BEND2: variants seen among roughly 807,000 people sequenced by gnomAD.
BEND2 encodes BEN domain-containing protein 2.
BEND2 carries 19 observed loss-of-function variants against 43.8 expected under a neutral mutation model. The ratio of observed to expected loss-of-function variants is 0.43; its 90% CI spans 0.30 to 0.64. BEND2 has a LOEUF of 0.64. BEND2 is among the 30% of genes least tolerant of loss of function. The pLI is 0.11. For synonymous variants in BEND2, 226 were observed against 210.1 expected, an observed-to-expected ratio of 1.08 and a Z score of -0.66; for missense variants, 544 against 574.0, an observed-to-expected ratio of 0.95 and a Z score of 0.53.
In BEND2 at chrX:18,174,017, T is replaced by TA. The variant is rs771943252; in HGVS notation, c.1981+12dup. 5.2e-5 allele frequency: 61 copies of TA among 1,184,355 alleles called. No homozygotes were observed. In the Middle Eastern group the frequency reaches 9.4e-4, roughly 18 times the overall value. On this transcript the variant is annotated intron_variant, in intron 12 of 13. Transcript: ENST00000380033. Reference sequence around the variant, plus strand: ...GAGAACTTATTTAAATATAAGTTTTTAAAAAAACTCACTCCATGCTTCACC... The same window carrying TA: ...GAGAACTTATTTAAATATAAGTTTTTAAAAAAAACTCACTCCATGCTTCACC...
chrX:18,174,168 C>A lies in BEND2; in HGVS notation c.1843G>T (p.Gly615Cys). ...NDQRGRDGGE[G>C]CSWMFQPMNN... ...ATTGGCTGAAACATCCAAGAACAGC[C>A]TTCACCACCATCTCTGCCCCTTTGG... The change falls in exon 12 of 14, where the codon GGC becomes TGC. Residue 615 changes from glycine to cysteine, a missense_variant. Coordinates refer to ENST00000380033, the MANE Select transcript of BEND2 (RefSeq NM_153346.5). 1 of 1,211,760 alleles carries A rather than the reference C, an allele frequency of 8.3e-7. No individual in the cohort carries two copies. The highest frequency in any genetic ancestry group is 1.1e-6 in the Non-Finnish European group (1 of 895,341).
chrX:18,205,753 G>A (rs1349509290), intron 4 of BEND2, among the ~76,000 whole-genome samples: 1 of 110,792 alleles, frequency 9.0e-6, no homozygotes, highest in African/African-American at 3.3e-5. Context: ...CCACAAACTG[G>A]CAGTATCAAC....
At chrX:18,179,147 C>A (rs1258214560) in intron 9 of BEND2, among the ~76,000 whole-genome samples, 1 of 106,270 alleles carries the variant, frequency 9.4e-6, no homozygotes, top group Non-Finnish European at 1.9e-5. Context: ...TCAGAGTGCC[C>A]ATTTCAGTAC....
Position 18,195,338 on chromosome X carries a change from G to C in BEND2, c.1138C>G (p.Pro380Ala), listed in dbSNP as rs1449758969. 4 of 1,206,423 alleles carry C rather than the reference G, an allele frequency of 3.3e-6. No individual in the cohort carries two copies. The highest frequency in any genetic ancestry group is 4.5e-6 in the Non-Finnish European group (4 of 893,238). Residue 380 changes from proline to alanine, a missense_variant, in exon 7 of 14, where the codon CCA becomes GCA. By Grantham distance (27) the Pro-to-Ala change is conservative. This residue lies in a region of BEND2 where 501 missense variants were observed against 501.6 expected (regional missense o/e 1.00). Coordinates refer to ENST00000380033, the MANE Select transcript of BEND2 (RefSeq NM_153346.5). ...YPALSGNTSA[P>A]YPASSYLPIT... ...GGAAGATATGAAGAGGCTGGATATG[G>C]GGCACTCGTATTTCCCGATAAAGCT...
intron 2 of BEND2, among the ~76,000 whole-genome samples, chrX:18,214,201 T>C (rs1226215013): frequency 1.8e-5 from 2 of 111,413 alleles, no homozygotes; most frequent in Non-Finnish European, 3.8e-5. Flanking sequence ...GGAGGATCAA[T>C]TGAGCCCCGG....
intron 6 of BEND2, among the ~76,000 whole-genome samples, chrX:18,198,585 C>T (rs1001589295): frequency 2.7e-5 from 3 of 111,459 alleles, no homozygotes; most frequent in African/African-American, 9.8e-5. Context: ...GAGAAATAAA[C>T]ACTTTTACAC....
intron 1 of BEND2, among the ~76,000 whole-genome samples, chrX:18,218,420 T>C (rs1925739652): frequency 8.9e-6 from 1 of 112,671 alleles, no homozygotes; most frequent in African/African-American, 3.2e-5. Flanking sequence ...AGCTTTTGTA[T>C]ATCAACAGAT....
chrX:18,219,802 A>G (rs1427081546), intron 1 of BEND2, among the ~76,000 whole-genome samples: 1 of 111,781 alleles, frequency 8.9e-6, no homozygotes, highest in Non-Finnish European at 1.9e-5. Context: ...GCTCCTCAGG[A>G]GGCTGAGGTG....
At chrX:18,211,640 G>A (rs1602053775) in intron 4 of BEND2, among the ~76,000 whole-genome samples, 1 of 111,046 alleles carries the variant, frequency 9.0e-6, no homozygotes, top group Non-Finnish European at 1.9e-5. Flanking sequence ...AAAATTAGCC[G>A]AATGTGGTGG....
At chrX:18,176,296 C>G (rs1364476261) in intron 10 of BEND2, among the ~76,000 whole-genome samples, 2 of 102,031 alleles carry the variant, frequency 2.0e-5, no homozygotes, top group Non-Finnish European at 3.9e-5. Context: ...GGATGCTTTG[C>G]TGAATTATTT....
Position 18,165,769 on chromosome X carries a change from T to C in BEND2, c.2186-546A>G, listed in dbSNP as rs144746848. ...AGTAACATAATTCAAGGAGCACTCT[T>C]AGAGAAAGTAAGAAGACAGACAAGG... is the stretch of plus-strand genomic sequence containing the variant. On this transcript the variant is annotated intron_variant, in intron 13 of 13. Coordinates refer to ENST00000380033, the MANE Select transcript of BEND2 (RefSeq NM_153346.5). Among the ~76,000 whole-genome samples the C allele has an allele frequency of 6.3e-5, 7 of 111,487 alleles. No homozygotes were observed. In the East Asian group the frequency reaches 2.0e-3, roughly 31 times the overall value.
rs774699703 is a variant in BEND2 at position 18,220,764 on chromosome X, G to T, written c.-14C>A. The T allele has an allele frequency of 8.3e-7, 1 of 1,206,355 alleles. No homozygotes were observed. Among genetic ancestry groups the T allele is most frequent in the Non-Finnish European group, 1.1e-6 (1 of 892,340 alleles). On this transcript the variant is annotated 5_prime_UTR_variant, in exon 1 of 14. Coordinates refer to ENST00000380033, the MANE Select transcript of BEND2 (RefSeq NM_153346.5). ...CCTCTCTGACATCGTGAGATGGCGGGGTCTGGCTCTGAGGCCCGAGACCTG... is the reference window on the plus strand; with the variant it reads ...CCTCTCTGACATCGTGAGATGGCGGTGTCTGGCTCTGAGGCCCGAGACCTG...
chrX:18,212,749 C>G, intron 3 of BEND2, 69 bp from the exon 4 acceptor site: 1 of 677,826 alleles, frequency 1.5e-6, no homozygotes, highest in Non-Finnish European at 2.2e-6. Flanking sequence ...CGGATATGCT[C>G]TCAGAATGCT....
In BEND2 at chrX:18,195,346, G is replaced by C. The variant is rs28496595; in HGVS notation, c.1130C>G (p.Thr377Arg). 2.5e-6 allele frequency: 3 copies of C among 1,208,152 alleles called. No homozygotes were observed. The highest frequency in any genetic ancestry group is 3.5e-5 in the South Asian group (2 of 56,632). Residue 377 changes from threonine to arginine, a missense_variant, in exon 7 of 14, where the codon ACG becomes AGG. Transcript: ENST00000380033. Reference protein sequence around the residue: ...TVYYPALSGNTSAPYPASSYL... With the variant: ...TVYYPALSGNRSAPYPASSYL... ...TGAAGAGGCTGGATATGGGGCACTCGTATTTCCCGATAAAGCTGGGTAATA... is the reference window on the plus strand; with the variant it reads ...TGAAGAGGCTGGATATGGGGCACTCCTATTTCCCGATAAAGCTGGGTAATA...
chrX:18,183,937 C>G (rs1232692852), intron 8 of BEND2, among the ~76,000 whole-genome samples: 3 of 111,762 alleles, frequency 2.7e-5, no homozygotes, highest in Non-Finnish European at 5.6e-5. Flanking sequence ...GGGGAACTCA[C>G]CACCCTGAAG....
At position 18,177,600 on chromosome X, in the gene BEND2, G is replaced by T. The variant is rs761854857; in HGVS notation, c.1599C>A (p.Ser533=). The change falls in exon 10 of 14, where the codon TCC becomes TCA. Residue 533 remains serine, a synonymous_variant. Transcript: ENST00000380033. ...SVDIHLKDSQ[S]LDPNKMAALR... The stretch of plus-strand genomic sequence containing the variant: ...ATGCAGCCATTTTGTTCGGGTCGAG[G>T]GATTGGCTGTCTTTCAAATGGATAT... The T allele has an allele frequency of 3.1e-5, 38 of 1,208,837 alleles. No individual in the cohort carries two copies. The highest frequency in any genetic ancestry group is 5.3e-5 in the African/African-American group (3 of 56,918).
chrX:18,213,957 A>T (rs1470287593), intron 2 of BEND2, 46 bp from the exon 3 acceptor site: 1 of 112,652 alleles, frequency 8.9e-6, no homozygotes, highest in Non-Finnish European at 1.9e-5. Context: ...ATACAATAAG[A>T]TACCTCCAAA....
chrX:18,215,051 G>A (rs904547458), intron 2 of BEND2, among the ~76,000 whole-genome samples: 2 of 110,790 alleles, frequency 1.8e-5, no homozygotes, highest in South Asian at 7.6e-4. Context: ...GATGTCCAGA[G>A]GTTCTGTTAT....
At chrX:18,202,227 G>T (rs1433545641) in intron 5 of BEND2, among the ~76,000 whole-genome samples, 7 of 112,079 alleles carry the variant, frequency 6.2e-5, no homozygotes, top group Non-Finnish European at 1.3e-4. Flanking sequence ...TATATAGCTG[G>T]CAAGAATGTC....
Sources: gnomAD v4.1 joint callset for allele counts (sites outside exome capture counted in the v4.1 genomes callset) on GRCh38, gnomAD v4.1.1 for gene constraint, gnomAD v4.1.1 regional missense constraint, MANE v1.5 for transcripts, NCBI Gene and HGNC (gene_info 2026-07-23, HGNC 2026-07-21) for gene names.